Variants in TSPAN2 observed in about 807,000 individuals in gnomAD.
The protein encoded by TSPAN2 is tetraspanin-2.
Under a neutral mutation model 33.3 loss-of-function variants are expected in TSPAN2, and 24 were observed. The ratio of observed to expected loss-of-function variants is 0.72; its 90% CI spans 0.52 to 1.01. The LOEUF (loss-of-function observed/expected upper bound fraction) is 1.01. Ranked by LOEUF, TSPAN2 falls within the 50% of genes least tolerant of loss-of-function variation. The pLI is 0.00. For missense variants in TSPAN2, 278 were observed against 281.3 expected (o/e 0.99, Z 0.08); for synonymous variants, 114 against 104.5 (o/e 1.09, Z -0.56).
chr1:115,055,986 A>G (rs1647404522), intron 6 of TSPAN2, among the ~76,000 whole-genome samples: 1 of 152,224 alleles, frequency 6.6e-6, no homozygotes, highest in South Asian at 2.1e-4. Context: ...TCCTTAGAAT[A>G]AACTCCGAGA....
At chr1:115,082,896 C>G (rs1026803512) in intron 1 of TSPAN2, among the ~76,000 whole-genome samples, 3 of 152,198 alleles carry the variant, frequency 2.0e-5, no homozygotes, top group Non-Finnish European at 4.4e-5. Context: ...ACCTACTGTG[C>G]CTGACTTTCA....
At chr1:115,065,476 G>C (rs978100306) in intron 2 of TSPAN2, among the ~76,000 whole-genome samples, 6 of 152,176 alleles carry the variant, frequency 3.9e-5, no homozygotes, top group African/African-American at 1.4e-4. Flanking sequence ...TTGAAAAATA[G>C]AAAACATTTT....
chr1:115,087,786 A>G (rs955287425), intron 1 of TSPAN2, among the ~76,000 whole-genome samples: 1 of 152,206 alleles, frequency 6.6e-6, no homozygotes, highest in African/African-American at 2.4e-5. Flanking sequence ...GATTATGTGT[A>G]ATAATGAAAG....
chr1:115,065,810 A>G (rs999023685), intron 2 of TSPAN2, among the ~76,000 whole-genome samples: 1 of 152,188 alleles, frequency 6.6e-6, no homozygotes, highest in African/African-American at 2.4e-5. Context: ...TGCTAAATAT[A>G]ATTTTCCTAC....
intron 2 of TSPAN2, among the ~76,000 whole-genome samples, chr1:115,063,459 T>C (rs926470411): frequency 6.6e-6 from 1 of 152,214 alleles, no homozygotes; most frequent in African/African-American, 2.4e-5. Context: ...GGACACTTTA[T>C]ACAATGTTGC....
At position 115,058,897 on chromosome 1, in the gene TSPAN2, T is replaced by C. The variant is rs1570968044; in HGVS notation, c.430A>G (p.Thr144Ala). The change falls in exon 5 of 8, where the codon ACC becomes GCC. Residue 144 changes from threonine to alanine, a missense_variant. Thr to Ala is a moderately conservative substitution (Grantham distance 58). Transcript: ENST00000369516. ...DRGKGNGTLI[T>A]FHSTFQCCGK... ...AAGTTACTCACTGTTGAGTGGAAGG[T>C]GATGAGTGTCCCATTGCCTTTTCCC... is the stretch of plus-strand genomic sequence containing the variant. 1 of 1,612,940 alleles carries C rather than the reference T, an allele frequency of 6.2e-7. No homozygotes were observed. Among genetic ancestry groups the C allele is most frequent in the Non-Finnish European group, 8.5e-7 (1 of 1,178,924 alleles).
intron 1 of TSPAN2, among the ~76,000 whole-genome samples, chr1:115,077,690 A>C (rs1332113744): frequency 6.6e-6 from 1 of 152,228 alleles, no homozygotes; most frequent in East Asian, 1.9e-4. Context: ...TTTCAATTTT[A>C]TTTTACTGTA....
At chr1:115,060,638 T>TGAAA in intron 3 of TSPAN2, 100 bp from the exon 4 acceptor site, 2 of 862,728 alleles carry the variant, frequency 2.3e-6, no homozygotes, top group Non-Finnish European at 3.7e-6. Context: ...ATCGCTTTCA[T>TGAAA]GTGGTTCATT....
chr1:115,074,697 T>C (rs1648333198), intron 1 of TSPAN2, among the ~76,000 whole-genome samples: 1 of 152,206 alleles, frequency 6.6e-6, no homozygotes, highest in African/African-American at 2.4e-5. Flanking sequence ...CATGTATTTC[T>C]CTTGTAACTT....
chr1:115,081,741 G>A (rs935963947), intron 1 of TSPAN2, among the ~76,000 whole-genome samples: 2 of 152,188 alleles, frequency 1.3e-5, no homozygotes, highest in African/African-American at 4.8e-5. Flanking sequence ...CTCACACTTT[G>A]TGCTATTATG....
intron 6 of TSPAN2, among the ~76,000 whole-genome samples, chr1:115,054,812 C>A (rs1394850176): frequency 6.6e-6 from 1 of 152,044 alleles, no homozygotes; most frequent in Non-Finnish European, 1.5e-5. Context: ...CATGGTGAAA[C>A]CCCGTCTCTA....
chr1:115,060,434 T>C (rs574068252), intron 4 of TSPAN2, 30 bp downstream of exon 4: 8 of 1,537,360 alleles, frequency 5.2e-6, no homozygotes, highest in Admixed American at 1.7e-5. Flanking sequence ...TTAACCATCA[T>C]AGAAAAACAT....
At chr1:115,053,691 T>G (rs1163072322) in intron 6 of TSPAN2, among the ~76,000 whole-genome samples, 2 of 152,196 alleles carry the variant, frequency 1.3e-5, no homozygotes, top group African/African-American at 4.8e-5. Flanking sequence ...ATTTTCATGT[T>G]TAGGCCAGTG....
Position 115,080,509 on chromosome 1 carries a change from A to G in TSPAN2, c.70-7502T>C, listed in dbSNP as rs527749217. 3.9e-5 allele frequency among the ~76,000 whole-genome samples: 6 copies of G among 152,284 alleles called. No individual in the cohort carries two copies. In the East Asian group the frequency reaches 1.2e-3, roughly 29 times the overall value. On this transcript the variant is annotated intron_variant, in intron 1 of 7. Transcript: ENST00000369516. ...AGACTGGTCTTGAACTCCCGGGCAC[A>G]AGTGATCCTCTTGCCTCAGCCTCCC...
chr1:115,057,364 G>T (rs1240027566), intron 6 of TSPAN2, among the ~76,000 whole-genome samples, 173 bp downstream of exon 6: 1 of 152,174 alleles, frequency 6.6e-6, no homozygotes, highest in African/African-American at 2.4e-5. Flanking sequence ...AAGGACAGCA[G>T]CCTTCCCAAT....
intron 6 of TSPAN2, 77 bp downstream of exon 6, chr1:115,057,460 G>C (rs3820630): frequency 0.07 from 97,709 of 1,398,092 alleles, 4,079 homozygotes; most frequent in African/African-American, 0.18. Context: ...GATCCCATCC[G>C]AGATTCTACC....
chr1:115,057,700 G>A, intron 5 of TSPAN2, 92 bp from the exon 6 acceptor site: 24 of 1,194,098 alleles, frequency 2.0e-5, no homozygotes, highest in Non-Finnish European at 2.7e-5. Context: ...TGCCGAGGCG[G>A]CAAAGCAGCT....
intron 2 of TSPAN2, among the ~76,000 whole-genome samples, chr1:115,066,184 T>A (rs1048856534): frequency 6.6e-6 from 1 of 152,238 alleles, no homozygotes; most frequent in Non-Finnish European, 1.5e-5. Flanking sequence ...ATGTTGGCTA[T>A]TATGAAAAGT....
chr1:115,075,465 G>A lies in TSPAN2; in HGVS notation c.70-2458C>T, dbSNP rs372495962. Among the ~76,000 whole-genome samples the A allele has an allele frequency of 4.3e-4, 65 of 152,284 alleles. 3 individuals carry two copies. In the East Asian group the frequency reaches 0.011, roughly 25 times the overall value. On this transcript the variant is annotated intron_variant, in intron 1 of 7. Coordinates refer to ENST00000369516, the MANE Select transcript of TSPAN2 (RefSeq NM_005725.6). ...AGGGCGATCACTGCTCTGGAAAGTG[G>A]CATCGGCACAGACCACACAGCACTT...
Sources: gnomAD v4.1 joint callset for allele counts (sites outside exome capture counted in the v4.1 genomes callset) on GRCh38, gnomAD v4.1.1 for gene constraint, MANE v1.5 for transcripts, NCBI Gene and HGNC (gene_info 2026-07-23, HGNC 2026-07-21) for gene names.